ROBO2: variants seen among roughly 807,000 people sequenced by gnomAD.
The protein encoded by ROBO2 is roundabout homolog 2.
ROBO2 carries 53 observed loss-of-function variants against 160.8 expected under a neutral mutation model. That is an observed-to-expected ratio of 0.33 (90% CI 0.26 to 0.41). ROBO2 has a LOEUF of 0.41. Among genes scored for constraint, ROBO2 ranks in the 10% least tolerant of loss-of-function variants. ROBO2 has a pLI of 1.00. For missense variants in ROBO2, 1,577 were observed against 1,722.4 expected, an observed-to-expected ratio of 0.92 and a Z score of 1.49; for synonymous variants, 664 against 611.7, an observed-to-expected ratio of 1.09 and a Z score of -1.26.
intron 2 of ROBO2, among the ~76,000 whole-genome samples, chr3:76,474,284 T>C (rs1379823142): frequency 2.0e-5 from 3 of 152,150 alleles, no homozygotes; most frequent in Non-Finnish European, 4.4e-5. Flanking sequence ...ATATTGTAAC[T>C]ATAGAGTTCT....
chr3:77,080,631 C>A (rs1472137196), intron 1 of ROBO2, among the ~76,000 whole-genome samples: 1 of 152,104 alleles, frequency 6.6e-6, no homozygotes, highest in East Asian at 1.9e-4. Flanking sequence ...AAAAATCTCA[C>A]CCCTATCCCC....
chr3:76,739,206 G>A (rs563194366), intron 2 of ROBO2, among the ~76,000 whole-genome samples: 5 of 152,126 alleles, frequency 3.3e-5, no homozygotes, highest in East Asian at 1.9e-4. Context: ...CACTATTCAC[G>A]ATAGCAAAGA....
At chr3:76,649,081 A>G (rs1365418551) in intron 2 of ROBO2, among the ~76,000 whole-genome samples, 1 of 152,146 alleles carries the variant, frequency 6.6e-6, no homozygotes, top group Non-Finnish European at 1.5e-5. Context: ...TAGTAGGAAG[A>G]TGATGTGAAT....
chr3:76,125,915 T>C (rs2675406), intron 2 of ROBO2, among the ~76,000 whole-genome samples: 75,467 of 151,894 alleles, frequency 0.5, 20,407 homozygotes, highest in South Asian at 0.66. Context: ...CAACCTCCGC[T>C]TCCTGGATTC....
intron 2 of ROBO2, among the ~76,000 whole-genome samples, chr3:77,145,996 A>T (rs953600106): frequency 6.6e-6 from 1 of 152,136 alleles, no homozygotes. Flanking sequence ...TGCTCAAGTC[A>T]TCTGAAAATT....
At chr3:76,050,929 G>A (rs1049277598) in intron 2 of ROBO2, among the ~76,000 whole-genome samples, 3 of 152,184 alleles carry the variant, frequency 2.0e-5, no homozygotes, top group Admixed American at 2.0e-4. Context: ...CTGCAGAAGA[G>A]CTCTTCCTTG....
chr3:76,938,529 C>CTA (rs2077902348), intron 2 of ROBO2, among the ~76,000 whole-genome samples: 1 of 152,140 alleles, frequency 6.6e-6, no homozygotes, highest in Non-Finnish European at 1.5e-5. Flanking sequence ...CTCTCTCTCT[C>CTA]TCTGAGCTTT....
intron 2 of ROBO2, among the ~76,000 whole-genome samples, chr3:76,601,482 C>G (rs1188223488): frequency 6.6e-6 from 1 of 152,176 alleles, no homozygotes; most frequent in Non-Finnish European, 1.5e-5. Context: ...AATCTCAATT[C>G]TTGACTTCTG....
At chr3:77,590,948 G>C in intron 17 of ROBO2, among the ~76,000 whole-genome samples, 1 of 152,050 alleles carries the variant, frequency 6.6e-6, no homozygotes, top group Admixed American at 6.6e-5. Context: ...CTCAGAAGGT[G>C]CTATGCCCTT....
chr3:76,480,498 A>C (rs189363334), intron 2 of ROBO2, among the ~76,000 whole-genome samples: 1 of 152,250 alleles, frequency 6.6e-6, no homozygotes, highest in South Asian at 2.1e-4. Context: ...CTCTAACAAG[A>C]ATACCACAAA....
intron 1 of ROBO2, among the ~76,000 whole-genome samples, chr3:77,065,307 A>G (rs999785826): frequency 1.3e-5 from 2 of 152,240 alleles, no homozygotes; most frequent in African/African-American, 4.8e-5. Flanking sequence ...GAAGTTGGTC[A>G]ACAAAAGTTG....
intron 2 of ROBO2, among the ~76,000 whole-genome samples, chr3:77,301,075 G>A (rs2062615336): frequency 6.6e-6 from 1 of 151,718 alleles, no homozygotes. Context: ...CACCATGTTG[G>A]CCAGGCTGGT....
At chr3:76,269,837 T>C (rs1261726536) in intron 2 of ROBO2, among the ~76,000 whole-genome samples, 3 of 151,938 alleles carry the variant, frequency 2.0e-5, no homozygotes, top group Non-Finnish European at 4.4e-5. Flanking sequence ...TATTTGAAAA[T>C]TGACATGGAA....
At chr3:76,980,882 T>C (rs2060063441) in intron 2 of ROBO2, among the ~76,000 whole-genome samples, 1 of 152,214 alleles carries the variant, frequency 6.6e-6, no homozygotes, top group African/African-American at 2.4e-5. Flanking sequence ...ATCTACATTT[T>C]CTACATATAA....
chr3:76,825,813 A>C (rs556485886), intron 2 of ROBO2, among the ~76,000 whole-genome samples: 1 of 152,058 alleles, frequency 6.6e-6, no homozygotes, highest in South Asian at 2.1e-4. Flanking sequence ...TCACACGCAT[A>C]TGGACATCCC....
intron 2 of ROBO2, among the ~76,000 whole-genome samples, chr3:76,099,691 C>A (rs1270321152): frequency 6.6e-6 from 1 of 151,954 alleles, no homozygotes; most frequent in East Asian, 1.9e-4. Context: ...TAAAAATCTG[C>A]AAAATTTCTG....
intron 2 of ROBO2, among the ~76,000 whole-genome samples, chr3:77,241,903 G>T (rs2089102629): frequency 6.6e-6 from 1 of 152,138 alleles, no homozygotes; most frequent in African/African-American, 2.4e-5. Flanking sequence ...AAAGTCGGAA[G>T]CTTTGACCAT....
intron 2 of ROBO2, among the ~76,000 whole-genome samples, chr3:76,466,990 A>G (rs2078398460): frequency 6.6e-6 from 1 of 152,096 alleles, no homozygotes; most frequent in Non-Finnish European, 1.5e-5. Flanking sequence ...AAATGGTAGG[A>G]CAGTTATAAA....
chr3:76,278,743 C>T (rs1708072679), intron 2 of ROBO2, among the ~76,000 whole-genome samples: 1 of 151,926 alleles, frequency 6.6e-6, no homozygotes, highest in African/African-American at 2.4e-5. Flanking sequence ...ATCAGGCTGT[C>T]AACACATATC....
Sources: allele counts gnomAD v4.1 joint callset (sites outside exome capture counted in the v4.1 genomes callset), GRCh38; gene constraint gnomAD v4.1.1; transcripts MANE v1.5; gene names NCBI Gene and HGNC (gene_info 2026-07-23, HGNC 2026-07-21).